The following OSBPL3 variants were observed in gnomAD, a reference collection of about 807,000 sequenced individuals.
The protein encoded by OSBPL3 is oxysterol-binding protein-related protein 3.
A neutral mutation model predicts 120.1 loss-of-function variants in OSBPL3; 65 were observed. The ratio of observed to expected loss-of-function variants is 0.54; its 90% confidence interval spans 0.44 to 0.67. OSBPL3 has a LOEUF of 0.67. OSBPL3 is among the 30% of genes least tolerant of loss of function. The probability of loss-of-function intolerance (pLI) is 0.00; values close to 1 mark genes in which losing one functional copy is unlikely to be tolerated. For synonymous variants in OSBPL3, 416 were observed against 402.6 expected (o/e 1.03, Z -0.40); for missense variants, 1,004 against 1,082.1 (o/e 0.93, Z 1.01).
intron 1 of OSBPL3, among the ~76,000 whole-genome samples, chr7:24,902,314 T>G (rs897849615): frequency 2.6e-5 from 4 of 152,218 alleles, no homozygotes; most frequent in Non-Finnish European, 5.9e-5. Flanking sequence ...TTCACAGGTC[T>G]CCACACATAT....
intron 16 of OSBPL3, among the ~76,000 whole-genome samples, chr7:24,828,728 C>T (rs1003872607): frequency 6.6e-6 from 1 of 150,628 alleles, no homozygotes; most frequent in Non-Finnish European, 1.5e-5. Context: ...CTTACTACAA[C>T]CTATTAGTCA....
rs768452871 is a variant in OSBPL3, at chr7:24,906,132, G to C, written c.-149-13511C>G. The C allele has an allele frequency of 2.2e-4, 38 of 174,862 alleles. 1 individual carries two copies. The South Asian group carries it at 2.9e-3, about 13-fold the overall frequency. The allele number at this position is 174,862 out of a possible 1,614,324, so 10.8% of individuals were successfully genotyped here. On this transcript the variant is annotated intron_variant, in intron 1 of 22. Coordinates refer to ENST00000313367, the MANE Select transcript of OSBPL3 (RefSeq NM_015550.4). ...CCTCCCTCCTGTCCTCATCTGCATA[G>C]TGAGTCATTCTGGGCTCAGCAGGCA...
chr7:24,865,210 C>T, intron 7 of OSBPL3, 132 bp downstream of exon 7: 1 of 941,918 alleles, frequency 1.1e-6, no homozygotes, highest in Non-Finnish European at 1.6e-6. Context: ...ATGGGTGCAA[C>T]CTTTACAAGC....
chr7:24,866,849 T>C (rs1221161862), intron 5 of OSBPL3, among the ~76,000 whole-genome samples: 3 of 152,232 alleles, frequency 2.0e-5, no homozygotes, highest in Non-Finnish European at 4.4e-5. Flanking sequence ...TTGCCCAGGC[T>C]GCAGTGCAAT....
intron 1 of OSBPL3, among the ~76,000 whole-genome samples, chr7:24,963,045 T>A (rs1466048778): frequency 6.6e-6 from 1 of 152,246 alleles, no homozygotes; most frequent in Non-Finnish European, 1.5e-5. Flanking sequence ...AACTTTTTGA[T>A]GACTGAATTA....
rs1806516346 is a variant in OSBPL3, at chr7:24,898,576, T to C, written c.-149-5955A>G. Reference sequence around the variant, plus strand: ...ATCCATGGCCTTCACAATCCACTTCTTCAGGGGACATCAGATTGCTCAGAG... The same window carrying C: ...ATCCATGGCCTTCACAATCCACTTCCTCAGGGGACATCAGATTGCTCAGAG... On this transcript the variant is annotated intron_variant, in intron 1 of 22. Transcript: ENST00000313367. This position sits in a 1 kb window ranked among gnomAD's most constrained non-coding sequence, Gnocchi z 4.3. Among the ~76,000 whole-genome samples, 2 of 152,182 alleles carry C rather than the reference T, an allele frequency of 1.3e-5. No individual in the cohort carries two copies. Among genetic ancestry groups the C allele is most frequent in the Admixed American group, 1.3e-4 (2 of 15,270 alleles).
At chr7:24,909,719 A>C (rs143) in intron 1 of OSBPL3, among the ~76,000 whole-genome samples, 66,819 of 149,302 alleles carry the variant, frequency 0.45, 15,195 homozygotes, top group East Asian at 0.71. Context: ...ACAGGAACCT[A>C]TGGCAGTAAG....
rs1241277038 is a variant in OSBPL3 at position 24,899,012 on chromosome 7, C to T, written c.-149-6391G>A. On this transcript the variant is annotated intron_variant, in intron 1 of 22. Transcript: ENST00000313367. The surrounding 1 kb of genome is among the most constrained non-coding windows in gnomAD (Gnocchi z 4.0). The stretch of plus-strand genomic sequence containing the variant: ...GGTAACTACATAGAACAAGACAGAA[C>T]TTTTTTTTAACCATAACCTGCACTG... Among the ~76,000 whole-genome samples, 1 of 152,092 alleles carries T rather than the reference C, an allele frequency of 6.6e-6. No individual in the cohort carries two copies. Among genetic ancestry groups the T allele is most frequent in the Non-Finnish European group, 1.5e-5 (1 of 68,016 alleles).
At chr7:24,969,870 C>T (rs958434798) in intron 1 of OSBPL3, among the ~76,000 whole-genome samples, 2 of 152,150 alleles carry the variant, frequency 1.3e-5, no homozygotes, top group Non-Finnish European at 2.9e-5. Context: ...TAGCTCTTAC[C>T]GTGTCACCTC....
rs1379266903 is a variant in OSBPL3 at position 24,818,766 on chromosome 7, T to C, written c.1948+1409A>G. Among the ~76,000 whole-genome samples, 6 of 152,080 alleles carry C rather than the reference T, an allele frequency of 3.9e-5. No individual in the cohort carries two copies. The East Asian group carries it at 9.6e-4, about 24-fold the overall frequency. On this transcript the variant is annotated intron_variant, in intron 17 of 22. Coordinates refer to ENST00000313367, the MANE Select transcript of OSBPL3 (RefSeq NM_015550.4). The surrounding 1 kb of genome is among the most constrained non-coding windows in gnomAD (Gnocchi z 4.0). ...ACGGAAATGGTTTACACAACCTACA[T>C]AAAAGGCAGAGAAATGTCAGGCTGG...
Position 24,834,623 on chromosome 7 carries a change from C to T in OSBPL3, c.1609G>A (p.Gly537Arg), listed in dbSNP as rs1796777001. The T allele has an allele frequency of 2.5e-6, 4 of 1,614,064 alleles. No homozygotes were observed. The highest frequency in any genetic ancestry group is 1.3e-5 in the African/African-American group (1 of 74,934). The change falls in exon 15 of 23, where the codon GGG becomes AGG. Residue 537 changes from glycine to arginine, a missense_variant. Gly to Arg is a moderately radical substitution (Grantham distance 125, BLOSUM62 -2). Around this residue, in one of 4 missense-constraint regions of OSBPL3, gnomAD observed 473 missense variants for 568.0 expected, o/e 0.83. Transcript: ENST00000313367. The surrounding 1 kb of genome is among the most constrained non-coding windows in gnomAD (Gnocchi z 5.2). ...SLWNILRNNI[G>R]KDLSKVAMPV... ...ATGGCCACCTTGGACAGGTCCTTCC[C>T]GATGTTGTTCCTCAGGATGTTCCAC...
intron 12 of OSBPL3, among the ~76,000 whole-genome samples, chr7:24,847,882 A>C (rs1423142186): frequency 4.6e-5 from 7 of 152,230 alleles, no homozygotes; most frequent in Admixed American, 1.3e-4. Context: ...TTAGGTGCTC[A>C]ATGCTGCAGG....
chr7:24,959,013 C>A lies in OSBPL3; in HGVS notation c.-150+20873G>T, dbSNP rs1371487327. 1.3e-5 allele frequency among the ~76,000 whole-genome samples: 2 copies of A among 152,130 alleles called. No individual in the cohort carries two copies. Among genetic ancestry groups the A allele is most frequent in the African/African-American group, 2.4e-5 (1 of 41,440 alleles). On this transcript the variant is annotated intron_variant, in intron 1 of 22. Transcript: ENST00000313367. This position sits in a 1 kb window ranked among gnomAD's most constrained non-coding sequence, Gnocchi z 4.3. ...AAAGTATTAAGGGGATTACAGACTT[C>A]TTTTCTATAATCCATGAATTGTAAG... is the stretch of plus-strand genomic sequence containing the variant.
intron 1 of OSBPL3, among the ~76,000 whole-genome samples, chr7:24,975,131 T>C (rs1817439650): frequency 1.3e-5 from 2 of 152,188 alleles, no homozygotes; most frequent in Admixed American, 6.5e-5. Flanking sequence ...AAATTCCATT[T>C]GAATTCCATA....
chr7:24,980,058 G>T lies in OSBPL3; in HGVS notation c.-322C>A. The T allele has an allele frequency of 1.0e-6, 1 of 985,042 alleles. No homozygotes were observed. The highest frequency in any genetic ancestry group is 1.2e-6 in the Non-Finnish European group (1 of 829,754). 61.0% of individuals were successfully genotyped at this position (985,042 alleles called of 1,614,324 possible). A position where few individuals can be genotyped will look rare whatever the true frequency, so the allele number is the denominator to read the frequency against. ...GGGCGGGGATGGCCACTTGCAGACA[G>T]ACTGCGGGGCCGGAGCCGCGCTGCG... On this transcript the variant is annotated 5_prime_UTR_variant, in exon 1 of 23. It adds an upstream start codon to the 5' untranslated region. Transcript: ENST00000313367.
At position 24,852,772 on chromosome 7, in the gene OSBPL3, A is replaced by G; in HGVS notation, c.1028-138T>C. On this transcript the variant is annotated intron_variant, in intron 10 of 22. Coordinates refer to ENST00000313367, the MANE Select transcript of OSBPL3 (RefSeq NM_015550.4). This position sits in a 1 kb window ranked among gnomAD's most constrained non-coding sequence, Gnocchi z 4.1. Reference sequence around the variant, plus strand: ...TTTGAGTATAGCAAATGTACATTCTACCTTGACTTTTAAAAAACACATTTG... The same window carrying G: ...TTTGAGTATAGCAAATGTACATTCTGCCTTGACTTTTAAAAAACACATTTG... 1 of 600,952 alleles carries G rather than the reference A, an allele frequency of 1.7e-6. No individual in the cohort carries two copies. Among genetic ancestry groups the G allele is most frequent in the Non-Finnish European group, 2.7e-6 (1 of 364,156 alleles). The allele number at this position is 600,952 out of a possible 1,614,324, so 37.2% of individuals were successfully genotyped here.
Position 24,854,371 on chromosome 7 carries a change from AC to A in OSBPL3, c.1028-1738del, listed in dbSNP as rs1799544218. ...GAAACTAAATAGGCATTATTGACTT[AC>A]TTCATTTAATAGCAAGGAGGACAAC... On this transcript the variant is annotated intron_variant, in intron 10 of 22. Transcript: ENST00000313367. The surrounding 1 kb of genome is among the most constrained non-coding windows in gnomAD (Gnocchi z 4.1). Among the ~76,000 whole-genome samples, 4 of 152,246 alleles carry A rather than the reference AC, an allele frequency of 2.6e-5. No homozygotes were observed. Among genetic ancestry groups the A allele is most frequent in the African/African-American group, 9.6e-5 (4 of 41,546 alleles).
chr7:24,942,316 T>TA (rs1272372305), intron 1 of OSBPL3, among the ~76,000 whole-genome samples: 2 of 152,234 alleles, frequency 1.3e-5, no homozygotes, highest in Non-Finnish European at 2.9e-5. Flanking sequence ...ACGGTAGTTC[T>TA]AAATACAGCT....
chr7:24,814,315 T>TA (rs1364121465), intron 19 of OSBPL3, among the ~76,000 whole-genome samples: 1 of 151,980 alleles, frequency 6.6e-6, no homozygotes, highest in African/African-American at 2.4e-5. Flanking sequence ...TCTGCAAGTG[T>TA]GCAAGTATGT....
Sources: gnomAD v4.1 joint callset for allele counts (sites outside exome capture counted in the v4.1 genomes callset) on GRCh38, gnomAD v4.1.1 for gene constraint, gnomAD v4.1.1 regional missense constraint, Gnocchi (gnomAD v3.1) non-coding constraint, MANE v1.5 for transcripts, NCBI Gene and HGNC (gene_info 2026-07-23, HGNC 2026-07-21) for gene names.